CLCN4: variants seen among roughly 807,000 people sequenced by gnomAD.
The protein encoded by CLCN4 is H(+)/Cl(-) exchange transporter 4.
Under a neutral mutation model 41.7 loss-of-function variants are expected in CLCN4, and 1 was observed. The observed-to-expected ratio is 0.02, with a 90% CI of 0.01 to 0.11. CLCN4 has a LOEUF of 0.11. Ranked by LOEUF, CLCN4 falls within the 10% of genes least tolerant of loss-of-function variation. CLCN4 has a pLI of 1.00. For synonymous variants in CLCN4, 277 were observed against 285.8 expected (o/e 0.97, Z 0.31); for missense variants, 287 against 661.0 (o/e 0.43, Z 6.20).
intron 12 of CLCN4, among the ~76,000 whole-genome samples, chrX:10,229,457 C>T (rs1925070130): frequency 9.2e-6 from 1 of 108,956 alleles, no homozygotes; most frequent in African/African-American, 3.3e-5. Context: ...AGGTTTGTTA[C>T]ATATGTATAC....
chrX:10,204,222 C>T (rs1167549711), intron 6 of CLCN4, among the ~76,000 whole-genome samples: 2 of 111,666 alleles, frequency 1.8e-5, no homozygotes, highest in African/African-American at 3.3e-5. Context: ...CTCAAGTGAA[C>T]GTTTAGGAAG....
At chrX:10,223,600 G>A (rs1337720025) in intron 12 of CLCN4, among the ~76,000 whole-genome samples, 2 of 111,747 alleles carry the variant, frequency 1.8e-5, no homozygotes, top group African/African-American at 6.5e-5. Flanking sequence ...TTCCCTGCTC[G>A]GGATGGCCAC....
intron 2 of CLCN4, among the ~76,000 whole-genome samples, chrX:10,182,016 T>C (rs1252532535): frequency 8.9e-6 from 1 of 112,049 alleles, no homozygotes; most frequent in Non-Finnish European, 1.9e-5. Flanking sequence ...TTGCAAGATA[T>C]AGGTGTCCTG....
At chrX:10,230,433 A>G (rs1299294994) in intron 12 of CLCN4, among the ~76,000 whole-genome samples, 3 of 112,115 alleles carry the variant, frequency 2.7e-5, no homozygotes, top group Non-Finnish European at 3.8e-5. Context: ...GAAAATGTGT[A>G]TCTCTGGTTG....
At chrX:10,215,373 T>C (rs1259935928) in intron 11 of CLCN4, among the ~76,000 whole-genome samples, 2 of 112,238 alleles carry the variant, frequency 1.8e-5, no homozygotes, top group Non-Finnish European at 3.8e-5. Context: ...CCATTTTAGC[T>C]TGACACTCAA....
In CLCN4 at chrX:10,212,523, G is replaced by A. The variant is rs1924585724; in HGVS notation, c.1446G>A (p.Met482Ile). The change falls in exon 10 of 13, where the codon ATG (methionine) becomes ATA (isoleucine). Residue 482 changes from methionine (M) to isoleucine (I), a missense_variant. This residue lies in a region of CLCN4 where 94 missense variants were observed against 177.9 expected (regional missense o/e 0.53). Coordinates refer to ENST00000380833, the MANE Select transcript of CLCN4 (RefSeq NM_001830.4). ...CTGTGGGCGCGATAGCGGGCAGGATGGTGGGAATTGGCGTGGAGCAGCTGG... is the reference window on the plus strand; with the variant it reads ...CTGTGGGCGCGATAGCGGGCAGGATAGTGGGAATTGGCGTGGAGCAGCTGG... ...SMAVGAIAGRMVGIGVEQLAY... is the reference protein window; with the variant it reads ...SMAVGAIAGRIVGIGVEQLAY... 7 of 1,211,866 alleles carry A rather than the reference G, an allele frequency of 5.8e-6. No individual in the cohort carries two copies. The highest frequency in any genetic ancestry group is 1.8e-5 in the South Asian group (1 of 56,972).
At chrX:10,178,735 A>G (rs1156950348) in intron 2 of CLCN4, among the ~76,000 whole-genome samples, 1 of 111,620 alleles carries the variant, frequency 9.0e-6, no homozygotes, top group African/African-American at 3.3e-5. Flanking sequence ...ACTGGGGCCC[A>G]TTCCCATAGC....
intron 9 of CLCN4, among the ~76,000 whole-genome samples, chrX:10,210,080 GATATC>G (rs1924505904): frequency 9.0e-6 from 1 of 111,477 alleles, no homozygotes; most frequent in African/African-American, 3.3e-5. Context: ...TCATATAAAT[GATATC>G]ATATAATATG....
rs1569224617 is a variant in CLCN4, at chrX:10,175,947, T to TCCCTCCCTCTCC, written c.-11-9074_-11-9073insCCTCCCTCTCCC. The stretch of plus-strand genomic sequence containing the variant: ...CTCTCTCCCCCTCCCTCCCTCTCCC[T>TCCCTCCCTCTCC]CTCTCTCTCTCTCTCTCTCTCTCTG... On this transcript the variant is annotated intron_variant, in intron 2 of 12. Transcript: ENST00000380833. Among the ~76,000 whole-genome samples the TCCCTCCCTCTCC allele has an allele frequency of 6.8e-4, 39 of 57,692 alleles. No homozygotes were observed. The East Asian group carries it at 9.5e-3, about 14-fold the overall frequency. The allele number at this position is 57,692 out of a possible 115,157, so 50.1% of individuals were successfully genotyped here. A position where few individuals can be genotyped will look rare whatever the true frequency, so the allele number is the denominator to read the frequency against.
chrX:10,194,572 TGA>T (rs1924048927), intron 4 of CLCN4, among the ~76,000 whole-genome samples: 1 of 111,744 alleles, frequency 8.9e-6, no homozygotes, highest in East Asian at 2.8e-4. Context: ...CAGAAGCCAT[TGA>T]GAGAGTTCTG....
At chrX:10,178,512 G>A (rs7061466) in intron 2 of CLCN4, among the ~76,000 whole-genome samples, 2,620 of 111,783 alleles carry the variant, frequency 0.023, 54 homozygotes, top group African/African-American at 0.066. Flanking sequence ...GTAGCACAGA[G>A]CAGTTTCTAG....
intron 2 of CLCN4, among the ~76,000 whole-genome samples, chrX:10,170,758 C>T (rs17255411): frequency 0.053 from 5,931 of 112,252 alleles, 145 homozygotes; most frequent in Middle Eastern, 0.078. Context: ...AGGGTTCTGT[C>T]GGGAAGCCTA....
At chrX:10,212,998 T>C in intron 10 of CLCN4, among the ~76,000 whole-genome samples, 1 of 112,112 alleles carries the variant, frequency 8.9e-6, no homozygotes, top group Non-Finnish European at 1.9e-5. Flanking sequence ...TTAAACATGT[T>C]CAGAACACTT....
chrX:10,175,970 C>CTG (rs1207326766), intron 2 of CLCN4, among the ~76,000 whole-genome samples: 19 of 68,513 alleles, frequency 2.8e-4, no homozygotes, highest in African/African-American at 7.7e-4. Flanking sequence ...CTCTCTCTCT[C>CTG]TGTGTGTGTG....
In CLCN4 at chrX:10,213,769, G is replaced by A. The variant is rs1924632828; in HGVS notation, c.1665G>A (p.Ala555=). Residue 555 remains alanine (A), a synonymous_variant, in exon 11 of 13, where the codon GCG becomes GCA. Coordinates refer to ENST00000380833, the MANE Select transcript of CLCN4 (RefSeq NM_001830.4). ...GLEYIVPLMA[A]AVTSKWVADA... is the part of the protein sequence containing the mutation. ...AGTACATCGTGCCCCTGATGGCGGC[G>A]GCTGTGACCAGCAAGTGGGTAGCTG... The A allele has an allele frequency of 6.6e-6, 8 of 1,211,957 alleles. No homozygotes were observed. The highest frequency in any genetic ancestry group is 2.2e-5 in the Admixed American group (1 of 46,095).
At chrX:10,233,443 G>A (rs760331796) in intron 12 of CLCN4, 51 bp from the exon 13 acceptor site, 17 of 900,479 alleles carry the variant, frequency 1.9e-5, no homozygotes, top group Non-Finnish European at 2.3e-5. Context: ...GGAGAGGGAT[G>A]AGTCGTCGTT....
intron 5 of CLCN4, among the ~76,000 whole-genome samples, chrX:10,195,428 A>T (rs1212540339): frequency 9.0e-6 from 1 of 111,346 alleles, no homozygotes; most frequent in Admixed American, 9.6e-5. Flanking sequence ...AACAAGGTTG[A>T]CTTTGATATC....
intron 6 of CLCN4, among the ~76,000 whole-genome samples, chrX:10,205,768 A>G: frequency 1.9e-5 from 2 of 107,884 alleles, no homozygotes; most frequent in South Asian, 8.3e-4. Flanking sequence ...TCATCATGCC[A>G]AGCTAATTTT....
chrX:10,237,035 T>C lies in CLCN4; in HGVS notation c.*3451T>C, dbSNP rs144131429. The stretch of plus-strand genomic sequence containing the variant: ...TGCTAGAAGTCGAAGTCATTCAATA[T>C]TCAGTGCTTACTGTTACTTTGAACC... On this transcript the variant is annotated 3_prime_UTR_variant, in exon 13 of 13. Transcript: ENST00000380833. The C allele has an allele frequency of 8.9e-6, 1 of 112,453 alleles. No homozygotes were observed. Among genetic ancestry groups the C allele is most frequent in the African/African-American group, 3.2e-5 (1 of 30,950 alleles). 9.3% of individuals were successfully genotyped at this position (112,453 alleles called of 1,213,427 possible).
Sources: allele counts gnomAD v4.1 joint callset (sites outside exome capture counted in the v4.1 genomes callset), GRCh38; gene constraint gnomAD v4.1.1; regional missense constraint gnomAD v4.1.1; transcripts MANE v1.5; gene names NCBI Gene and HGNC (gene_info 2026-07-23, HGNC 2026-07-21).